CALN1: variants seen among roughly 807,000 people sequenced by gnomAD.
The protein encoded by CALN1 is calneuron 1.
CALN1 carries 17 observed loss-of-function variants against 30.6 expected under a neutral mutation model. The ratio of observed to expected loss-of-function variants is 0.56; its 90% CI spans 0.38 to 0.83. The LOEUF is 0.83. Among genes scored for constraint, CALN1 ranks in the 40% least tolerant of loss-of-function variants. CALN1 has a pLI of 0.00. For missense variants in CALN1, 291 were observed against 354.9 expected (o/e 0.82, Z 1.45); for synonymous variants, 156 against 131.4 (o/e 1.19, Z -1.28).
At chr7:71,978,135 G>A (rs1054541891) in intron 5 of CALN1, among the ~76,000 whole-genome samples, 1 of 151,592 alleles carries the variant, frequency 6.6e-6, no homozygotes, top group Non-Finnish European at 1.5e-5. Context: ...GGGAATTTGA[G>A]CCACTTCTGA....
chr7:71,956,924 G>A (rs1017398552), intron 5 of CALN1, among the ~76,000 whole-genome samples: 1 of 151,430 alleles, frequency 6.6e-6, no homozygotes, highest in Admixed American at 6.6e-5. Flanking sequence ...CTCAAAACTC[G>A]AGACCTCAGG....
intron 3 of CALN1, among the ~76,000 whole-genome samples, chr7:72,217,365 T>G (rs1343143539): frequency 6.6e-6 from 1 of 151,938 alleles, no homozygotes; most frequent in Non-Finnish European, 1.5e-5. Context: ...CCTCTTGGAG[T>G]ATGACTAACA....
At chr7:71,843,656 T>C (rs537397927) in intron 5 of CALN1, among the ~76,000 whole-genome samples, 2 of 152,166 alleles carry the variant, frequency 1.3e-5, no homozygotes, top group African/African-American at 4.8e-5. Flanking sequence ...ACCAGAGAGC[T>C]AAGCTAAGCT....
rs1480413856 is a variant in CALN1, at chr7:72,282,151, T to C, written c.120-3341A>G. Among the ~76,000 whole-genome samples the C allele has an allele frequency of 2.0e-5, 3 of 152,160 alleles. No homozygotes were observed. In the East Asian group the frequency reaches 5.8e-4, roughly 29 times the overall value. On this transcript the variant is annotated intron_variant, in intron 2 of 6. Transcript: ENST00000395275. The stretch of plus-strand genomic sequence containing the variant: ...GGACTAAATTTCACTCCAAGCTGCC[T>C]AGGGAAACCCAAGCTTTAAGATTCT...
intron 4 of CALN1, among the ~76,000 whole-genome samples, chr7:72,060,642 G>A (rs1046678058): frequency 1.3e-5 from 2 of 152,108 alleles, no homozygotes; most frequent in African/African-American, 2.4e-5. Context: ...GTTGAACTTG[G>A]GGCCTGTGGG....
At chr7:72,018,622 G>C (rs1258781244) in intron 5 of CALN1, among the ~76,000 whole-genome samples, 1 of 152,130 alleles carries the variant, frequency 6.6e-6, no homozygotes, top group Non-Finnish European at 1.5e-5. Flanking sequence ...ATGACTCTCA[G>C]ACCATCCTCC....
At chr7:72,403,152 G>C in intron 2 of CALN1, 99 bp downstream of exon 2, 2 of 812,860 alleles carry the variant, frequency 2.5e-6, no homozygotes, top group East Asian at 2.7e-5. Flanking sequence ...CTCCAGCCTA[G>C]ACACGCAGCA....
chr7:72,324,957 C>A (rs763486730), intron 2 of CALN1, among the ~76,000 whole-genome samples: 1 of 152,184 alleles, frequency 6.6e-6, no homozygotes, highest in Non-Finnish European at 1.5e-5. Context: ...GGAAGCTCGA[C>A]AGATGCATTT....
Position 72,347,577 on chromosome 7 carries a change from A to G in CALN1, c.119+55674T>C, listed in dbSNP as rs575188087. Reference sequence around the variant, plus strand: ...CACCAAGCCCGGCCAAGACAAAATAATAAAAGCAGCCAGGCCCCCTCTCCT... The same window carrying G: ...CACCAAGCCCGGCCAAGACAAAATAGTAAAAGCAGCCAGGCCCCCTCTCCT... On this transcript the variant is annotated intron_variant, in intron 2 of 6. Coordinates refer to ENST00000395275, the MANE Select transcript of CALN1 (RefSeq NM_031468.4). Among the ~76,000 whole-genome samples, 3 of 152,140 alleles carry G rather than the reference A, an allele frequency of 2.0e-5. No homozygotes were observed. The South Asian group carries it at 6.2e-4, about 32-fold the overall frequency.
intron 2 of CALN1, among the ~76,000 whole-genome samples, chr7:72,307,859 G>A (rs1008684363): frequency 6.6e-6 from 1 of 151,076 alleles, no homozygotes; most frequent in African/African-American, 2.4e-5. Flanking sequence ...CTGGCAAGAG[G>A]AGGGTCCCAG....
intron 3 of CALN1, among the ~76,000 whole-genome samples, chr7:72,245,566 C>T (rs1348854309): frequency 6.6e-6 from 1 of 150,500 alleles, no homozygotes; most frequent in East Asian, 1.9e-4. Flanking sequence ...TGCAGTGAGC[C>T]GAGATTGCAC....
At chr7:71,790,624 C>T (rs1271452332) in intron 6 of CALN1, among the ~76,000 whole-genome samples, 3 of 152,164 alleles carry the variant, frequency 2.0e-5, no homozygotes, top group Non-Finnish European at 4.4e-5. Context: ...CCCTTGAGGT[C>T]GGCAGGAAGC....
intron 2 of CALN1, among the ~76,000 whole-genome samples, chr7:72,370,437 G>A (rs1481520779): frequency 1.3e-5 from 2 of 151,692 alleles, no homozygotes; most frequent in African/African-American, 2.4e-5. Flanking sequence ...GGCGGATCAC[G>A]AGGTCAGGAG....
chr7:72,289,732 A>T (rs1165985137), intron 2 of CALN1, among the ~76,000 whole-genome samples: 1 of 152,128 alleles, frequency 6.6e-6, no homozygotes, highest in Non-Finnish European at 1.5e-5. Flanking sequence ...GAAGTGATGA[A>T]TTTTAAATAT....
chr7:72,121,816 ATGGT>A (rs60780217), intron 3 of CALN1, among the ~76,000 whole-genome samples: 38,212 of 147,310 alleles, frequency 0.26, 5,696 homozygotes, highest in East Asian at 0.67. Context: ...TATTGTAAAC[ATGGT>A]TGGTTATTAT....
chr7:72,312,938 G>T (rs1372754114), intron 2 of CALN1, among the ~76,000 whole-genome samples: 1 of 151,948 alleles, frequency 6.6e-6, no homozygotes. Flanking sequence ...GGGTTCAAAT[G>T]ATTCTCCTGC....
intron 2 of CALN1, among the ~76,000 whole-genome samples, chr7:72,365,079 T>C (rs990610924): frequency 6.6e-6 from 1 of 150,420 alleles, no homozygotes; most frequent in Admixed American, 6.6e-5. Flanking sequence ...CCAAGGCAGG[T>C]GGATCACCTG....
chr7:72,327,525 TTTTC>T (rs2129557782), intron 2 of CALN1, among the ~76,000 whole-genome samples: 1 of 150,878 alleles, frequency 6.6e-6, no homozygotes, highest in African/African-American at 2.4e-5. Context: ...CATTGAACGT[TTTTC>T]TTTTCCTGTT....
chr7:71,857,632 T>C (rs1306066165), intron 5 of CALN1, among the ~76,000 whole-genome samples: 1 of 152,154 alleles, frequency 6.6e-6, no homozygotes, highest in Non-Finnish European at 1.5e-5. Context: ...CCCCGCCCAC[T>C]TAATCAGGCG....
Sources: allele counts gnomAD v4.1 joint callset (sites outside exome capture counted in the v4.1 genomes callset), GRCh38; gene constraint gnomAD v4.1.1; transcripts MANE v1.5; gene names NCBI Gene and HGNC (gene_info 2026-07-23, HGNC 2026-07-21).